ENPP6: variants seen among roughly 807,000 people sequenced by gnomAD.
The protein encoded by ENPP6 is ectonucleotide pyrophosphatase/phosphodiesterase 6.
ENPP6 carries 32 observed loss-of-function variants against 42.0 expected under a neutral mutation model. That is an observed-to-expected ratio of 0.76 (90% CI 0.58 to 1.02). The LOEUF (loss-of-function observed/expected upper bound fraction) is 1.02. Among genes scored for constraint, ENPP6 ranks in the 50% least tolerant of loss-of-function variants. The pLI is 0.00. For synonymous variants in ENPP6, 213 were observed against 216.0 expected, an observed-to-expected ratio of 0.99 and a Z score of 0.12; for missense variants, 552 against 566.8, an observed-to-expected ratio of 0.97 and a Z score of 0.27.
chr4:184,129,634 A>G (rs962955311), intron 2 of ENPP6, among the ~76,000 whole-genome samples: 9 of 152,236 alleles, frequency 5.9e-5, no homozygotes, highest in Non-Finnish European at 8.8e-5. Flanking sequence ...AGTTGTATAT[A>G]CAAGCATCTT....
At chr4:184,100,341 C>T (rs752405160) in intron 6 of ENPP6, among the ~76,000 whole-genome samples, 1 of 152,188 alleles carries the variant, frequency 6.6e-6, no homozygotes, top group Non-Finnish European at 1.5e-5. Context: ...CAGCTGAGGC[C>T]AGGCCCATGA....
At chr4:184,148,252 C>G (rs1736960429) in intron 2 of ENPP6, among the ~76,000 whole-genome samples, 1 of 152,120 alleles carries the variant, frequency 6.6e-6, no homozygotes, top group South Asian at 2.1e-4. Context: ...GAGTCACACC[C>G]TTTAAAGATG....
chr4:184,206,678 G>C (rs1455207766), intron 1 of ENPP6, among the ~76,000 whole-genome samples: 6 of 152,170 alleles, frequency 3.9e-5, no homozygotes, highest in Non-Finnish European at 5.9e-5. Flanking sequence ...TTTCTTAAAA[G>C]GTGGGGTGGT....
intron 7 of ENPP6, among the ~76,000 whole-genome samples, chr4:184,093,687 T>G (rs199554097): frequency 1.1e-5 from 1 of 92,748 alleles, no homozygotes; most frequent in Non-Finnish European, 2.4e-5. Flanking sequence ...AATAATAATG[T>G]AAAACCTGTC....
chr4:184,164,270 C>T (rs143472829), intron 1 of ENPP6, among the ~76,000 whole-genome samples: 154 of 152,254 alleles, frequency 1.0e-3, no homozygotes, highest in African/African-American at 3.1e-3. Flanking sequence ...GCACAAGTGA[C>T]GCTTGCTATA....
At chr4:184,204,535 C>T (rs1026945484) in intron 1 of ENPP6, among the ~76,000 whole-genome samples, 2 of 152,140 alleles carry the variant, frequency 1.3e-5, no homozygotes, top group African/African-American at 4.8e-5. Context: ...GTTGGCTCCA[C>T]TTTCTCGACT....
At chr4:184,213,119 C>A (rs1164975567) in intron 1 of ENPP6, among the ~76,000 whole-genome samples, 1 of 151,500 alleles carries the variant, frequency 6.6e-6, no homozygotes, top group African/African-American at 2.4e-5. Context: ...AACGTTAGAC[C>A]TAAAACCATA....
Position 184,133,912 on chromosome 4 carries a change from G to T in ENPP6, c.422-9640C>A, listed in dbSNP as rs188002622. On this transcript the variant is annotated intron_variant, in intron 2 of 7. Transcript: ENST00000296741. ...AGATGGAGCCTCACTCTGTCACCCA[G>T]GCTGGAGTGATTTTTCAATGTTAAA... Among the ~76,000 whole-genome samples, 14 of 148,420 alleles carry T rather than the reference G, an allele frequency of 9.4e-5. No homozygotes were observed. The East Asian group carries it at 2.6e-3, about 27-fold the overall frequency.
At chr4:184,194,097 G>A (rs1462841126) in intron 1 of ENPP6, among the ~76,000 whole-genome samples, 2 of 152,240 alleles carry the variant, frequency 1.3e-5, no homozygotes, top group African/African-American at 2.4e-5. Flanking sequence ...CATGGTCCCC[G>A]AGGTTCCTCT....
intron 2 of ENPP6, among the ~76,000 whole-genome samples, chr4:184,138,662 C>G (rs955639902): frequency 6.6e-6 from 1 of 152,150 alleles, no homozygotes; most frequent in Non-Finnish European, 1.5e-5. Context: ...GAATTGGTTT[C>G]TTTAAAACTA....
At chr4:184,175,847 G>C (rs1737553002) in intron 1 of ENPP6, among the ~76,000 whole-genome samples, 2 of 152,206 alleles carry the variant, frequency 1.3e-5, no homozygotes, top group Non-Finnish European at 2.9e-5. Flanking sequence ...GTCTTGGCCT[G>C]CTAGGTGCAC....
Position 184,117,867 on chromosome 4 carries a change from A to G in ENPP6, c.567T>C (p.His189=). ...SGRADLAAIY[H]ERIDVEGHHY... is the part of the protein sequence containing the mutation. Reference sequence around the variant, plus strand: ...GGTGGCCTTCCACGTCAATGCGCTCATGGTATATGGCTGCCAGGTCGGCCC... The same window carrying G: ...GGTGGCCTTCCACGTCAATGCGCTCGTGGTATATGGCTGCCAGGTCGGCCC... The change falls in exon 4 of 8, where the codon CAT becomes CAC. Residue 189 remains histidine, a synonymous_variant. Coordinates refer to ENST00000296741, the MANE Select transcript of ENPP6 (RefSeq NM_153343.4). The G allele has an allele frequency of 6.2e-7, 1 of 1,614,210 alleles. No homozygotes were observed. The highest frequency in any genetic ancestry group is 8.5e-7 in the Non-Finnish European group (1 of 1,180,040).
intron 1 of ENPP6, among the ~76,000 whole-genome samples, chr4:184,174,156 G>A (rs1171605073): frequency 3.0e-5 from 4 of 133,394 alleles, no homozygotes; most frequent in African/African-American, 8.5e-5. Context: ...TTTTTTTTCC[G>A]AGACGGAATC....
chr4:184,092,105 T>A (rs934844982), intron 7 of ENPP6, among the ~76,000 whole-genome samples: 1 of 152,116 alleles, frequency 6.6e-6, no homozygotes, highest in Non-Finnish European at 1.5e-5. Flanking sequence ...AGAACATCTA[T>A]CTAGCCCGGA....
chr4:184,139,231 C>T (rs2111366391), intron 2 of ENPP6, among the ~76,000 whole-genome samples: 1 of 152,216 alleles, frequency 6.6e-6, no homozygotes, highest in Middle Eastern at 3.4e-3. Flanking sequence ...AGGCAACGGC[C>T]AGCAATAAAT....
intron 1 of ENPP6, among the ~76,000 whole-genome samples, chr4:184,171,026 G>A (rs1737452579): frequency 6.6e-6 from 1 of 152,218 alleles, no homozygotes; most frequent in Middle Eastern, 3.2e-3. Flanking sequence ...TCAGTTATCT[G>A]TTTTGGTGTA....
chr4:184,116,696 G>A (rs181501710), intron 5 of ENPP6, among the ~76,000 whole-genome samples, 160 bp downstream of exon 5: 18 of 152,302 alleles, frequency 1.2e-4, no homozygotes, highest in African/African-American at 2.6e-4. Context: ...TCGCGCCATT[G>A]CACTCCAGCC....
intron 6 of ENPP6, among the ~76,000 whole-genome samples, chr4:184,104,220 G>T (rs1736051223): frequency 6.6e-6 from 1 of 152,174 alleles, no homozygotes; most frequent in African/African-American, 2.4e-5. Context: ...ACGTTTTCCA[G>T]ATTGTCTTGA....
Position 184,091,416 on chromosome 4 carries a change from G to C in ENPP6, c.1118-34C>G. On this transcript the variant is annotated intron_variant, in intron 7 of 7. Coordinates refer to ENST00000296741, the MANE Select transcript of ENPP6 (RefSeq NM_153343.4). ...GAAAGGCAAACAAACAAGTTGTCATGGCAGCTCCAGGGCAGAGGTGGGCTG... is the reference window on the plus strand; with the variant it reads ...GAAAGGCAAACAAACAAGTTGTCATCGCAGCTCCAGGGCAGAGGTGGGCTG... 1.9e-6 allele frequency: 3 copies of C among 1,571,966 alleles called. No individual in the cohort carries two copies. The South Asian group carries it at 3.6e-5, about 19-fold the overall frequency.
Sources: allele counts gnomAD v4.1 joint callset (sites outside exome capture counted in the v4.1 genomes callset), GRCh38; gene constraint gnomAD v4.1.1; transcripts MANE v1.5; gene names NCBI Gene and HGNC (gene_info 2026-07-23, HGNC 2026-07-21).